AMZ1: variants seen among roughly 807,000 people sequenced by gnomAD.
AMZ1 encodes archaelysin family metallopeptidase 1.
AMZ1 carries 39 observed loss-of-function variants against 29.9 expected under a neutral mutation model. That is an observed-to-expected ratio of 1.30 (90% CI 1.01 to 1.70). AMZ1 has a LOEUF of 1.70. Among genes scored for constraint, AMZ1 ranks in the 40% most tolerant of loss-of-function variants. The probability of loss-of-function intolerance (pLI) is 0.00; values close to 1 mark genes in which losing one functional copy is unlikely to be tolerated. For missense variants in AMZ1, 1,041 were observed against 680.6 expected (o/e 1.53, Z -5.89); for synonymous variants, 458 against 304.0 (o/e 1.51, Z -5.27).
At chr7:2,759,747 A>C (rs1015226253), upstream of AMZ1, among the ~76,000 whole-genome samples, 1 of 152,244 alleles carries the variant, frequency 6.6e-6, no homozygotes, top group Non-Finnish European at 1.5e-5. Flanking sequence ...TAAAAAGAGC[A>C]AAAGAGAAAA....
At chr7:2,759,484 G>A (rs1791458280) in intron 4 of AMZ1, among the ~76,000 whole-genome samples, 1 of 152,218 alleles carries the variant, frequency 6.6e-6, no homozygotes, top group Non-Finnish European at 1.5e-5. Context: ...CAAGTGGTAA[G>A]TTACTACTGT....
intron 4 of AMZ1, among the ~76,000 whole-genome samples, chr7:2,727,550 C>T (rs1034358096): frequency 5.3e-5 from 8 of 152,010 alleles, no homozygotes; most frequent in Non-Finnish European, 8.8e-5. Flanking sequence ...TGATTCTATC[C>T]GTAAAGATGG....
At chr7:2,745,407 T>A (rs1163341150) in intron 4 of AMZ1, among the ~76,000 whole-genome samples, 2 of 152,182 alleles carry the variant, frequency 1.3e-5, no homozygotes, top group Non-Finnish European at 2.9e-5. Flanking sequence ...GAATTTCATA[T>A]CCAGCCAAAC....
In AMZ1 at chr7:2,712,711, A is replaced by C. The variant is rs777907281; in HGVS notation, c.1330A>C (p.Thr444Pro). The C allele has an allele frequency of 1.9e-6, 3 of 1,610,732 alleles. No homozygotes were observed. The South Asian group carries it at 3.3e-5, about 18-fold the overall frequency. The change falls in exon 7 of 7, where the codon ACG (threonine) becomes CCG (proline). Residue 444 changes from threonine (T) to proline (P), a missense_variant. Coordinates refer to ENST00000683327, the MANE Select transcript of AMZ1 (RefSeq NM_001384743.1). ...VDALDRWEMF[T>P]GQLPATRQDP... The stretch of plus-strand genomic sequence containing the variant: ...CGCCCTCGACCGCTGGGAGATGTTC[A>C]CGGGCCAGCTCCCGGCCACCAGGCA...
intron 1 of AMZ1, among the ~76,000 whole-genome samples, chr7:2,693,798 G>A (rs1032300833): frequency 1.3e-5 from 2 of 152,158 alleles, no homozygotes; most frequent in African/African-American, 2.4e-5. Flanking sequence ...CTCCTGATCC[G>A]CTCGCCTCGG....
Position 2,712,331 on chromosome 7 carries a change from G to C in AMZ1, c.950G>C (p.Arg317Thr), listed in dbSNP as rs200486156. The change falls in exon 7 of 7, where the codon AGA becomes ACA. Residue 317 changes from arginine to threonine, a missense_variant and splice_region_variant. By Grantham distance (71) the Arg-to-Thr change is moderately conservative. Transcript: ENST00000683327. ...LGFRLIERYQ[R>T]LYTWTQAVVG... The stretch of plus-strand genomic sequence containing the variant: ...TCAGCCTGTGTTTCTCCCTCTTAGA[G>C]ACTCTACACCTGGACTCAGGCGGTG... 3.2e-6 allele frequency: 5 copies of C among 1,569,720 alleles called. No homozygotes were observed. The highest frequency in any genetic ancestry group is 8.6e-7 in the Non-Finnish European group (1 of 1,157,100).
chr7:2,698,184 A>AT (rs1787849167), intron 1 of AMZ1, among the ~76,000 whole-genome samples: 1 of 152,156 alleles, frequency 6.6e-6, no homozygotes, highest in Non-Finnish European at 1.5e-5. Context: ...TTGTGCCACT[A>AT]TACTCTAGCC....
At chr7:2,695,671 A>T (rs1787669806) in intron 1 of AMZ1, among the ~76,000 whole-genome samples, 1 of 151,864 alleles carries the variant, frequency 6.6e-6, no homozygotes, top group African/African-American at 2.4e-5. Flanking sequence ...TGAGTGCACC[A>T]CAGCACTCCA....
At chr7:2,700,951 G>T (rs1435404721) in intron 2 of AMZ1, among the ~76,000 whole-genome samples, 196 bp downstream of exon 2, 2 of 152,204 alleles carry the variant, frequency 1.3e-5, no homozygotes, top group African/African-American at 4.8e-5. Flanking sequence ...ATCCTGACAC[G>T]ATGCTCAGAC....
chr7:2,683,415 GTT>G (rs547372448), upstream of AMZ1, among the ~76,000 whole-genome samples: 42 of 151,844 alleles, frequency 2.8e-4, no homozygotes, highest in Non-Finnish European at 5.0e-4. Flanking sequence ...TCAACTTTCT[GTT>G]TTTTTGTTTG....
intron 4 of AMZ1, among the ~76,000 whole-genome samples, chr7:2,734,841 G>A (rs1341178060): frequency 1.3e-5 from 2 of 152,260 alleles, no homozygotes; most frequent in East Asian, 1.9e-4. Context: ...CGTGACCACC[G>A]GCTCTCTAGA....
chr7:2,710,467 G>T (rs780596415), intron 6 of AMZ1, among the ~76,000 whole-genome samples: 3 of 152,232 alleles, frequency 2.0e-5, no homozygotes, highest in African/African-American at 7.2e-5. Context: ...CAATGAAACC[G>T]CGCTGGAAAG....
intron 4 of AMZ1, among the ~76,000 whole-genome samples, chr7:2,741,867 A>C (rs1032402832): frequency 2.0e-5 from 3 of 150,658 alleles, no homozygotes; most frequent in African/African-American, 7.3e-5. Context: ...TGACTGTCTC[A>C]TAATTACCAC....
intron 4 of AMZ1, among the ~76,000 whole-genome samples, chr7:2,757,325 A>G (rs948359195): frequency 6.6e-6 from 1 of 151,748 alleles, no homozygotes; most frequent in African/African-American, 2.4e-5. Context: ...TAGTAGAGAC[A>G]GGGTTTCGCC....
chr7:2,708,255 T>A (rs1788489007), intron 3 of AMZ1, among the ~76,000 whole-genome samples: 1 of 152,188 alleles, frequency 6.6e-6, no homozygotes, highest in Non-Finnish European at 1.5e-5. Context: ...AGACGTGGAC[T>A]CTCTGGGGCT....
At chr7:2,692,891 T>G (rs1787486723) in intron 1 of AMZ1, among the ~76,000 whole-genome samples, 1 of 152,128 alleles carries the variant, frequency 6.6e-6, no homozygotes, top group Non-Finnish European at 1.5e-5. Flanking sequence ...CCAGCCACAC[T>G]GGCCTCCTCC....
downstream of AMZ1, among the ~76,000 whole-genome samples, chr7:2,719,803 C>T (rs905460923): frequency 7.9e-5 from 12 of 151,986 alleles, no homozygotes; most frequent in Non-Finnish European, 1.8e-4. Flanking sequence ...GCCTCAGCCT[C>T]CCACGTAGAT....
At chr7:2,703,342 T>C (rs934451212) in intron 3 of AMZ1, among the ~76,000 whole-genome samples, 4 of 152,150 alleles carry the variant, frequency 2.6e-5, no homozygotes, top group Admixed American at 6.5e-5. Context: ...GGTCTCACTG[T>C]GTTGGCCAGG....
chr7:2,741,174 G>A (rs17132636), intron 4 of AMZ1, among the ~76,000 whole-genome samples: 3,924 of 152,272 alleles, frequency 0.026, 124 homozygotes, highest in Middle Eastern at 0.078. Flanking sequence ...ATGTTTTAAG[G>A]TATTCCCCTG....
Sources: gnomAD v4.1 joint callset for allele counts (sites outside exome capture counted in the v4.1 genomes callset) on GRCh38, gnomAD v4.1.1 for gene constraint, MANE v1.5 for transcripts, NCBI Gene and HGNC (gene_info 2026-07-23, HGNC 2026-07-21) for gene names.